The following CTTN variants were observed in gnomAD, a reference collection of about 807,000 sequenced individuals.
CTTN encodes src substrate cortactin.
CTTN carries 28 observed loss-of-function variants against 84.0 expected under a neutral mutation model. That is an observed-to-expected ratio of 0.33 (90% CI 0.25 to 0.46). The LOEUF (loss-of-function observed/expected upper bound fraction) is 0.46. Among genes scored for constraint, CTTN ranks in the 20% least tolerant of loss-of-function variants. The pLI is 1.00. For synonymous variants in CTTN, 301 were observed against 288.8 expected (o/e 1.04, Z -0.43); for missense variants, 641 against 723.8 (o/e 0.89, Z 1.31).
chr11:70,415,953 G>A (rs1414465930), intron 7 of CTTN: 11 of 483,316 alleles, frequency 2.3e-5, no homozygotes, highest in Non-Finnish European at 3.4e-5. Context: ...CATCCCCCTC[G>A]GAGCCCTGGC....
At chr11:70,426,574 CT>C (rs1193678758) in intron 13 of CTTN, among the ~76,000 whole-genome samples, 2 of 151,942 alleles carry the variant, frequency 1.3e-5, no homozygotes, top group African/African-American at 4.8e-5. Context: ...CGCATGCCCC[CT>C]GCCCAGTTAA....
intron 15 of CTTN, among the ~76,000 whole-genome samples, chr11:70,432,887 G>A (rs938158265): frequency 5.9e-5 from 9 of 152,304 alleles, no homozygotes; most frequent in Middle Eastern, 3.4e-3. Context: ...GGTGAGGACC[G>A]GGTCATCATC....
rs1335249693 is a variant in CTTN at position 70,435,170 on chromosome 11, A to G, written c.*8A>G. 1.3e-6 allele frequency: 2 copies of G among 1,595,998 alleles called. No individual in the cohort carries two copies. Among genetic ancestry groups the G allele is most frequent in the Non-Finnish European group, 1.7e-6 (2 of 1,172,474 alleles). On this transcript the variant is annotated 3_prime_UTR_variant, in exon 18 of 18. Transcript: ENST00000301843. ...GTGGAGCTGCGGCAGTAGGGCCCCC[A>G]GCCCCCCCCCGGAGCTGCGCCCTGG...
chr11:70,432,222 G>A (rs1021922256), intron 15 of CTTN, among the ~76,000 whole-genome samples: 23 of 152,146 alleles, frequency 1.5e-4, no homozygotes, highest in African/African-American at 7.2e-5. Context: ...GTCAGGAACC[G>A]GCCTCCCCCT....
At chr11:70,419,595 A>G (rs1279737305) in intron 8 of CTTN, 151 bp from the exon 9 acceptor site, 2 of 633,764 alleles carry the variant, frequency 3.2e-6, no homozygotes, top group Non-Finnish European at 5.4e-6. Context: ...GTTATTACAC[A>G]TAAATAGCAC....
intron 7 of CTTN, chr11:70,416,165 C>G (rs1420534940): frequency 6.3e-6 from 1 of 159,818 alleles, no homozygotes; most frequent in Non-Finnish European, 1.4e-5. Context: ...ATCTTGATTA[C>G]ATCATGCAGT....
At chr11:70,423,127 G>A (rs1174924653) in intron 12 of CTTN, 132 bp downstream of exon 12, 12 of 1,125,740 alleles carry the variant, frequency 1.1e-5, no homozygotes, top group Non-Finnish European at 1.5e-5. Flanking sequence ...GGTGGTGGTG[G>A]TGGCGATGAC....
chr11:70,422,716 A>T (rs567703800), intron 11 of CTTN: 1 of 1,448,956 alleles, frequency 6.9e-7, no homozygotes, highest in African/African-American at 1.4e-5. Context: ...GGGAATGCTG[A>T]AGCCTCTGCC....
intron 4 of CTTN, chr11:70,408,212 G>T (rs980620563): frequency 6.6e-6 from 1 of 152,226 alleles, no homozygotes; most frequent in Non-Finnish European, 1.5e-5. Context: ...GCTGGGTTCA[G>T]AGTGGATCCT....
intron 1 of CTTN, among the ~76,000 whole-genome samples, chr11:70,401,402 C>T (rs191144976): frequency 1.1e-4 from 16 of 149,780 alleles, no homozygotes; most frequent in African/African-American, 3.0e-4. Flanking sequence ...CTTGAACCTG[C>T]GAAGTGGAGG....
At chr11:70,406,209 T>G (rs183719452) in intron 2 of CTTN, among the ~76,000 whole-genome samples, 57 of 152,288 alleles carry the variant, frequency 3.7e-4, no homozygotes, top group African/African-American at 1.3e-3. Context: ...ACCTAGAAAT[T>G]TGAGAGCACG....
chr11:70,432,978 C>G (rs756766555), intron 15 of CTTN, 123 bp from the exon 16 acceptor site: 28 of 1,074,056 alleles, frequency 2.6e-5, no homozygotes, highest in Non-Finnish European at 3.7e-5. Flanking sequence ...CGTCTGTTTT[C>G]TCAGTCCTGG....
Position 70,435,253 on chromosome 11 carries a change from GTTTTTTTTTTTTTTT to G in CTTN, c.*102_*116del, listed in dbSNP as rs370623790. 32 of 938,806 alleles carry G rather than the reference GTTTTTTTTTTTTTTT, an allele frequency of 3.4e-5. No individual in the cohort carries two copies. The highest frequency in any genetic ancestry group is 4.2e-5 in the Non-Finnish European group (32 of 762,484). 58.2% of individuals were successfully genotyped at this position (938,806 alleles called of 1,614,324 possible). A position where few individuals can be genotyped will look rare whatever the true frequency, so the allele number is the denominator to read the frequency against. Reference sequence around the variant, plus strand: ...TCTTGGGTGGTTTTGGGTTTTTTCTGTTTTTTTTTTTTTTTTTTTTTTTTTGAAGGTGGGGAGGGG... The same window carrying G: ...TCTTGGGTGGTTTTGGGTTTTTTCTGTTTTTTTTTTGAAGGTGGGGAGGGG... On this transcript the variant is annotated 3_prime_UTR_variant, in exon 18 of 18. Transcript: ENST00000301843.
chr11:70,404,608 C>T (rs1002443641), intron 1 of CTTN, among the ~76,000 whole-genome samples: 3 of 152,116 alleles, frequency 2.0e-5, no homozygotes, highest in African/African-American at 7.2e-5. Context: ...TTTATAATGT[C>T]ATTAATTAGA....
chr11:70,409,288 T>C (rs1396263715), intron 4 of CTTN, among the ~76,000 whole-genome samples: 1 of 152,208 alleles, frequency 6.6e-6, no homozygotes, highest in Non-Finnish European at 1.5e-5. Context: ...AACCTTGTCA[T>C]CTGTTTCATT....
chr11:70,398,957 C>CG (rs1372973028), intron 1 of CTTN, among the ~76,000 whole-genome samples: 2 of 117,014 alleles, frequency 1.7e-5, no homozygotes, highest in South Asian at 3.1e-4. Context: ...CCCTGGGCGC[C>CG]GGGGGGCTCC....
At chr11:70,409,718 G>C (rs2058078759) in intron 4 of CTTN, 113 bp from the exon 5 acceptor site, 4 of 1,199,368 alleles carry the variant, frequency 3.3e-6, no homozygotes, top group Non-Finnish European at 4.8e-6. Flanking sequence ...CATCAGATAA[G>C]CAGATTTACA....
rs2058056128 is a variant in CTTN, at chr11:70,407,576, A to C, written c.146A>C (p.His49Pro). 1 of 1,612,304 alleles carries C rather than the reference A, an allele frequency of 6.2e-7. No individual in the cohort carries two copies. Among genetic ancestry groups the C allele is most frequent in the Admixed American group, 1.7e-5 (1 of 59,932 alleles). The change falls in exon 4 of 18, where the codon CAC becomes CCC. Residue 49 changes from histidine (H) to proline (P), a missense_variant. Physicochemically the swap from His to Pro is moderately conservative, Grantham distance 77 (BLOSUM62 -2). Coordinates refer to ENST00000301843, the MANE Select transcript of CTTN (RefSeq NM_005231.4). ...GCCAAGACGGTGCAGGGCTCCGGGC[A>C]CCAGGAGCATATCAAGTAAGAGGCG... ...WGAKTVQGSG[H>P]QEHINIHKLR...
Position 70,435,253 on chromosome 11 carries a change from GTTTTT to G in CTTN, c.*112_*116del, listed in dbSNP as rs370623790. ...TCTTGGGTGGTTTTGGGTTTTTTCTGTTTTTTTTTTTTTTTTTTTTTTTTTGAAGG... is the reference window on the plus strand; with the variant it reads ...TCTTGGGTGGTTTTGGGTTTTTTCTGTTTTTTTTTTTTTTTTTTTTGAAGG... On this transcript the variant is annotated 3_prime_UTR_variant, in exon 18 of 18. Coordinates refer to ENST00000301843, the MANE Select transcript of CTTN (RefSeq NM_005231.4). The G allele has an allele frequency of 4.8e-3, 4,512 of 935,304 alleles. No homozygotes were observed. Among genetic ancestry groups the G allele is most frequent in the African/African-American group, 0.012 (449 of 37,446 alleles). 57.9% of individuals were successfully genotyped at this position (935,304 alleles called of 1,614,324 possible).
Sources: gnomAD v4.1 joint callset for allele counts (sites outside exome capture counted in the v4.1 genomes callset) on GRCh38, gnomAD v4.1.1 for gene constraint, MANE v1.5 for transcripts, NCBI Gene and HGNC (gene_info 2026-07-23, HGNC 2026-07-21) for gene names.